The following CCPG1 variants were observed in gnomAD, a reference collection of about 807,000 sequenced individuals.
CCPG1 encodes the protein cell cycle progression 1.
Under a neutral mutation model 81.3 loss-of-function variants are expected in CCPG1, and 46 were observed. The observed-to-expected ratio is 0.57, with a 90% CI of 0.45 to 0.72. The LOEUF (loss-of-function observed/expected upper bound fraction) is 0.72, where lower values mean the gene tolerates loss of function less well. Ranked by LOEUF, CCPG1 falls within the 30% of genes least tolerant of loss-of-function variation. CCPG1 has a pLI of 0.00. For synonymous variants in CCPG1, 330 were observed against 305.2 expected (o/e 1.08, Z -0.85); for missense variants, 902 against 937.6 (o/e 0.96, Z 0.50).
intron 1 of CCPG1, among the ~76,000 whole-genome samples, chr15:55,400,998 T>C (rs542980086): frequency 1.3e-5 from 2 of 152,186 alleles, no homozygotes; most frequent in African/African-American, 2.4e-5. Flanking sequence ...CTTTATAGTA[T>C]CTAGATTTTG....
chr15:55,364,108 G>A (rs1439396504), intron 7 of CCPG1, among the ~76,000 whole-genome samples: 2 of 150,396 alleles, frequency 1.3e-5, no homozygotes, highest in African/African-American at 4.8e-5. Context: ...ACCACACCCA[G>A]ACATAGCTTA....
chr15:55,395,413 A>G (rs1566982192), intron 1 of CCPG1, among the ~76,000 whole-genome samples: 1 of 152,152 alleles, frequency 6.6e-6, no homozygotes, highest in East Asian at 1.9e-4. Context: ...CTCATTATGT[A>G]ATTCCTTTAA....
At chr15:55,394,174 T>C (rs2056974804) in intron 1 of CCPG1, among the ~76,000 whole-genome samples, 1 of 151,946 alleles carries the variant, frequency 6.6e-6, no homozygotes, top group South Asian at 2.1e-4. Flanking sequence ...TTTTTAAGAG[T>C]CGGGGTCTTG....
At chr15:55,396,370 GCT>G (rs2057017906) in intron 1 of CCPG1, among the ~76,000 whole-genome samples, 1 of 152,292 alleles carries the variant, frequency 6.6e-6, no homozygotes, top group Admixed American at 6.5e-5. Flanking sequence ...TAAACTTGAA[GCT>G]CTGTTTAGGC....
intron 2 of CCPG1, among the ~76,000 whole-genome samples, chr15:55,388,527 T>C (rs1231420253): frequency 6.6e-6 from 1 of 152,208 alleles, no homozygotes; most frequent in Non-Finnish European, 1.5e-5. Context: ...CTTGACCAAA[T>C]TACTTAACCT....
chr15:55,385,749 T>G (rs1379285986), intron 2 of CCPG1, 35 bp from the exon 3 acceptor site: 1 of 1,132,836 alleles, frequency 8.8e-7, no homozygotes, highest in East Asian at 2.4e-5. Context: ...GTTATTTGCC[T>G]ATTAGCTCCT....
intron 5 of CCPG1, chr15:55,372,715 G>GA (rs561837813): frequency 6.5e-5 from 17 of 260,436 alleles, no homozygotes; most frequent in African/African-American, 1.2e-4. Context: ...TTTCTGGAAA[G>GA]AAAAAAAATA....
intron 8 of CCPG1, chr15:55,356,626 C>G: frequency 1.6e-6 from 2 of 1,224,534 alleles, no homozygotes; most frequent in Non-Finnish European, 2.0e-6. Flanking sequence ...ACTCTACTGG[C>G]AAAAAAGGGA....
intron 1 of CCPG1, among the ~76,000 whole-genome samples, chr15:55,404,676 G>C (rs537337143): frequency 6.6e-6 from 1 of 152,186 alleles, no homozygotes; most frequent in Non-Finnish European, 1.5e-5. Flanking sequence ...TCTCATGCCT[G>C]TATCCAGCAC....
At chr15:55,369,747 C>T (rs2056409309) in intron 6 of CCPG1, among the ~76,000 whole-genome samples, 1 of 152,072 alleles carries the variant, frequency 6.6e-6, no homozygotes, top group Non-Finnish European at 1.5e-5. Flanking sequence ...AACCAAAATC[C>T]TACATAACAG....
intron 3 of CCPG1, among the ~76,000 whole-genome samples, chr15:55,378,949 A>T (rs1175662018): frequency 6.6e-6 from 1 of 151,952 alleles, no homozygotes; most frequent in Non-Finnish European, 1.5e-5. Context: ...TAAAACCTCT[A>T]CCTTACATTA....
chr15:55,370,315 CTG>C (rs1341955128), intron 6 of CCPG1, among the ~76,000 whole-genome samples: 5 of 152,144 alleles, frequency 3.3e-5, no homozygotes, highest in African/African-American at 1.2e-4. Flanking sequence ...AAAGTTAAGA[CTG>C]TGGATTATGC....
At chr15:55,376,893 C>T (rs2056577183) in intron 5 of CCPG1, 56 bp downstream of exon 5, 1 of 1,291,826 alleles carries the variant, frequency 7.7e-7, no homozygotes, top group South Asian at 1.2e-5. Context: ...GAAAACAAGC[C>T]TTTATATAAA....
intron 2 of CCPG1, among the ~76,000 whole-genome samples, 154 bp downstream of exon 2, chr15:55,389,211 C>T (rs138008231): frequency 2.6e-5 from 4 of 151,958 alleles, no homozygotes; most frequent in South Asian, 4.2e-4. Context: ...GCTCATGAAG[C>T]GTTTTCAGCA....
At chr15:55,367,256 A>G (rs545458491) in intron 6 of CCPG1, among the ~76,000 whole-genome samples, 1 of 152,294 alleles carries the variant, frequency 6.6e-6, no homozygotes, top group South Asian at 2.1e-4. Context: ...TGCAATTTCT[A>G]TTTCAAACTG....
chr15:55,390,489 GA>G (rs1430378099), intron 1 of CCPG1, among the ~76,000 whole-genome samples: 1 of 152,120 alleles, frequency 6.6e-6, no homozygotes, highest in Non-Finnish European at 1.5e-5. Flanking sequence ...TCTGTTATTG[GA>G]CATATACTGT....
chr15:55,377,987 T>C (rs537458187), intron 4 of CCPG1, among the ~76,000 whole-genome samples: 56 of 152,300 alleles, frequency 3.7e-4, no homozygotes, highest in African/African-American at 1.3e-3. Context: ...CCCCAAAGCA[T>C]AAGTCTCAGG....
chr15:55,360,280 T>C lies in CCPG1; in HGVS notation c.1493A>G (p.Asn498Ser), dbSNP rs781763735. 9 of 1,614,108 alleles carry C rather than the reference T, an allele frequency of 5.6e-6. No individual in the cohort carries two copies. The South Asian group carries it at 8.8e-5, about 16-fold the overall frequency. Reference protein sequence around the residue: ...SVKETFDAMKNSTKEFVRHHK... With the variant: ...SVKETFDAMKSSTKEFVRHHK... Reference sequence around the variant, plus strand: ...ATGCCTTACAAACTCCTTGGTAGAATTCTTCATGGCATCAAATGTTTCCTT... The same window carrying C: ...ATGCCTTACAAACTCCTTGGTAGAACTCTTCATGGCATCAAATGTTTCCTT... Residue 498 changes from asparagine (N) to serine (S), a missense_variant, in exon 8 of 9, where the codon AAT becomes AGT. Asn to Ser is a conservative substitution (Grantham distance 46, BLOSUM62 1). Coordinates refer to ENST00000442196, the MANE Select transcript of CCPG1 (RefSeq NM_001204450.2).
chr15:55,406,717 G>T (rs1245293966), intron 1 of CCPG1, among the ~76,000 whole-genome samples: 1 of 151,774 alleles, frequency 6.6e-6, no homozygotes, highest in Non-Finnish European at 1.5e-5. Flanking sequence ...TTACAAGCCT[G>T]AGCCACCGCT....
Sources: gnomAD v4.1 joint callset for allele counts (sites outside exome capture counted in the v4.1 genomes callset) on GRCh38, gnomAD v4.1.1 for gene constraint, MANE v1.5 for transcripts, NCBI Gene and HGNC (gene_info 2026-07-23, HGNC 2026-07-21) for gene names.